The following TMPO variants were observed in gnomAD, a reference collection of about 807,000 sequenced individuals.
The protein encoded by TMPO is thymopoietin.
TMPO carries 22 observed loss-of-function variants against 45.4 expected under a neutral mutation model. That is an observed-to-expected ratio of 0.48 (90% CI 0.35 to 0.69). TMPO has a LOEUF of 0.69. Ranked by LOEUF, TMPO falls within the 30% of genes least tolerant of loss-of-function variation. The pLI is 0.01. For missense variants in TMPO, 512 were observed against 548.8 expected, an observed-to-expected ratio of 0.93 and a Z score of 0.67; for synonymous variants, 241 against 204.1, an observed-to-expected ratio of 1.18 and a Z score of -1.54.
intron 7 of TMPO, among the ~76,000 whole-genome samples, chr12:98,545,734 T>C (rs60808759): frequency 0.12 from 18,100 of 152,092 alleles, 1,694 homozygotes; most frequent in African/African-American, 0.26. Context: ...GAAGAAACAG[T>C]ATACTTTTTT....
At chr12:98,522,000 G>T (rs1181431776) in intron 1 of TMPO, among the ~76,000 whole-genome samples, 1 of 152,024 alleles carries the variant, frequency 6.6e-6, no homozygotes, top group Non-Finnish European at 1.5e-5. Flanking sequence ...AAAGTACTGG[G>T]ATTACAGGCG....
At chr12:98,517,043 T>A (rs540902678) in intron 1 of TMPO, among the ~76,000 whole-genome samples, 1 of 152,312 alleles carries the variant, frequency 6.6e-6, no homozygotes, top group South Asian at 2.1e-4. Flanking sequence ...ACTCCTGACC[T>A]CAGGTGGTCC....
chr12:98,530,000 A>G (rs1022257056), intron 2 of TMPO, among the ~76,000 whole-genome samples: 1 of 152,230 alleles, frequency 6.6e-6, no homozygotes, highest in South Asian at 2.1e-4. Flanking sequence ...TTCATATACA[A>G]GTACCAACAG....
rs1006169578 is a variant in TMPO at position 98,515,672 on chromosome 12, T to A, written c.-196T>A. ...CAGCTTGGCCGCAGTTGGTTCGTAGTTCGGCTCTGGGGTCTTTTGTGTCCG... is the reference window on the plus strand; with the variant it reads ...CAGCTTGGCCGCAGTTGGTTCGTAGATCGGCTCTGGGGTCTTTTGTGTCCG... On this transcript the variant is annotated 5_prime_UTR_variant, in exon 1 of 9. Transcript: ENST00000556029. 1 of 1,201,424 alleles carries A rather than the reference T, an allele frequency of 8.3e-7. No individual in the cohort carries two copies. The highest frequency in any genetic ancestry group is 1.5e-5 in the African/African-American group (1 of 65,164). 74.4% of individuals were successfully genotyped at this position (1,201,424 alleles called of 1,614,324 possible).
chr12:98,542,068 T>C (rs188732440), intron 4 of TMPO, among the ~76,000 whole-genome samples: 17 of 152,346 alleles, frequency 1.1e-4, no homozygotes, highest in South Asian at 4.1e-4. Context: ...CAGCTGTATG[T>C]TGCTATGAAT....
At chr12:98,527,345 A>C (rs1390109179) in intron 1 of TMPO, among the ~76,000 whole-genome samples, 1 of 149,248 alleles carries the variant, frequency 6.7e-6, no homozygotes, top group Non-Finnish European at 1.5e-5. Context: ...CAAAAAAAAA[A>C]AAAAACAAAA....
intron 1 of TMPO, among the ~76,000 whole-genome samples, chr12:98,524,019 G>T (rs1042745910): frequency 6.6e-6 from 1 of 152,174 alleles, no homozygotes; most frequent in Admixed American, 6.6e-5. Flanking sequence ...TTTCTAATAA[G>T]AAATGGATTT....
chr12:98,544,212 G>A lies in TMPO; in HGVS notation c.664-18G>A. On this transcript the variant is annotated intron_variant, in intron 4 of 8. Transcript: ENST00000556029. ...TGATGTTAGAATATGACTTTTTAAT[G>A]TGTTGATGCTTGAATAGAGCTATTC... 6.2e-7 allele frequency: 1 copy of A among 1,613,200 alleles called. No homozygotes were observed. The highest frequency in any genetic ancestry group is 1.3e-5 in the African/African-American group (1 of 75,024).
At chr12:98,543,540 A>C (rs1294541195) in intron 4 of TMPO, among the ~76,000 whole-genome samples, 1 of 152,200 alleles carries the variant, frequency 6.6e-6, no homozygotes, top group African/African-American at 2.4e-5. Context: ...TTAATCTGAG[A>C]CTGAGAATTA....
At chr12:98,520,873 C>G (rs1267640357) in intron 1 of TMPO, among the ~76,000 whole-genome samples, 1 of 151,822 alleles carries the variant, frequency 6.6e-6, no homozygotes, top group Admixed American at 6.6e-5. Flanking sequence ...CTCCCGGCCT[C>G]CAGGTCATAT....
At chr12:98,539,389 C>T (rs917374240) in intron 4 of TMPO, among the ~76,000 whole-genome samples, 2 of 151,380 alleles carry the variant, frequency 1.3e-5, no homozygotes, top group African/African-American at 4.9e-5. Context: ...GTTTAATGAC[C>T]CTCCAGTCAT....
intron 1 of TMPO, among the ~76,000 whole-genome samples, chr12:98,527,335 CAA>C (rs374742173): frequency 0.13 from 12,004 of 93,372 alleles, 682 homozygotes; most frequent in African/African-American, 0.23. Context: ...CCCATCTCTA[CAA>C]AAAAAAAAAA....
At position 98,545,060 on chromosome 12, in the gene TMPO, A is replaced by G; in HGVS notation, c.989A>G (p.Glu330Gly). The part of the protein sequence containing the change: ...RAPKKPLTRA[E>G]VGEKTEERRV... ...CCAAAGAAACCATTGACAAGAGCTG[A>G]AGTAAATGAATACAATTTAGATCGA... Residue 330 changes from glutamate (E) to glycine (G), a missense_variant and splice_region_variant, in exon 7 of 9, where the codon GAA (glutamate) becomes GGA (glycine). This residue lies in a region of TMPO where 209 missense variants were observed against 235.1 expected (regional missense o/e 0.89). Coordinates refer to ENST00000556029, the MANE Select transcript of TMPO (RefSeq NM_001032283.3). 6.3e-7 allele frequency: 1 copy of G among 1,587,416 alleles called. No homozygotes were observed. The highest frequency in any genetic ancestry group is 8.6e-7 in the Non-Finnish European group (1 of 1,156,200).
intron 4 of TMPO, among the ~76,000 whole-genome samples, chr12:98,538,679 T>C (rs1284252747): frequency 3.9e-5 from 6 of 152,080 alleles, no homozygotes; most frequent in Admixed American, 1.3e-4. Context: ...ATCAAATCCT[T>C]AGAGGAATTA....
chr12:98,532,837 C>A, intron 3 of TMPO: 1 of 1,614,136 alleles, frequency 6.2e-7, no homozygotes, highest in African/African-American at 1.3e-5. Context: ...GAAGAAAGAA[C>A]ACAAGAAAGT....
At chr12:98,544,803 C>CA in intron 6 of TMPO, 148 bp from the exon 7 acceptor site, 1 of 708,028 alleles carries the variant, frequency 1.4e-6, no homozygotes, top group Non-Finnish European at 2.5e-6. Flanking sequence ...ATATGTGAGG[C>CA]ACTAAGTTGT....
At position 98,534,237 on chromosome 12, in the gene TMPO, T is replaced by A. The variant is rs576517565; in HGVS notation, c.565+2399T>A. On this transcript the variant is annotated intron_variant, in intron 3 of 8. Coordinates refer to ENST00000556029, the MANE Select transcript of TMPO (RefSeq NM_001032283.3). ...ACCTCTGGCTGAAGGATTGCAAAATTAATTTAGCTTCTAAGAATAAGCTGG... is the reference window on the plus strand; with the variant it reads ...ACCTCTGGCTGAAGGATTGCAAAATAAATTTAGCTTCTAAGAATAAGCTGG... The A allele has an allele frequency of 6.3e-5, 102 of 1,613,926 alleles. No individual in the cohort carries two copies. The South Asian group carries it at 1.0e-3, about 16-fold the overall frequency.
At chr12:98,536,460 TCTC>T (rs1283997495) in intron 3 of TMPO, among the ~76,000 whole-genome samples, 1 of 152,136 alleles carries the variant, frequency 6.6e-6, no homozygotes, top group Non-Finnish European at 1.5e-5. Context: ...TTCAAGCAAT[TCTC>T]CTGCCTTAGC....
chr12:98,516,088 C>T lies in TMPO; in HGVS notation c.221C>T (p.Thr74Ile), dbSNP rs759899689. Residue 74 changes from threonine (T) to isoleucine (I), a missense_variant, in exon 1 of 9, where the codon ACC becomes ATC. Physicochemically the swap from Thr to Ile is moderately conservative, Grantham distance 89. This residue lies in a region of TMPO where 299 missense variants were observed against 296.7 expected (regional missense o/e 1.01). Coordinates refer to ENST00000556029, the MANE Select transcript of TMPO (RefSeq NM_001032283.3). The part of the protein sequence containing the change: ...DFSSDEEREP[T>I]PVLGSGAAAA... Reference sequence around the variant, plus strand: ...TCCAGTGACGAAGAGCGCGAGCCCACCCCGGTCCTCGGCTCTGGGGCCGCC... The same window carrying T: ...TCCAGTGACGAAGAGCGCGAGCCCATCCCGGTCCTCGGCTCTGGGGCCGCC... 1.3e-6 allele frequency: 2 copies of T among 1,591,840 alleles called. No homozygotes were observed. The highest frequency in any genetic ancestry group is 2.3e-5 in the East Asian group (1 of 43,980).
Sources: gnomAD v4.1 joint callset for allele counts (sites outside exome capture counted in the v4.1 genomes callset) on GRCh38, gnomAD v4.1.1 for gene constraint, gnomAD v4.1.1 regional missense constraint, MANE v1.5 for transcripts, NCBI Gene and HGNC (gene_info 2026-07-23, HGNC 2026-07-21) for gene names.